Variants in EMSY observed in about 807,000 individuals in gnomAD.
The protein encoded by EMSY is EMSY transcriptional repressor, BRCA2 interacting.
In EMSY, 26 loss-of-function variants were observed where a neutral mutation model predicts 134.6. The observed-to-expected ratio is 0.19, with a 90% CI of 0.14 to 0.27. The LOEUF is 0.27. EMSY is among the 10% of genes least tolerant of loss of function. EMSY has a pLI of 1.00. For synonymous variants in EMSY, 579 were observed against 577.8 expected, an observed-to-expected ratio of 1.00 and a Z score of -0.03; for missense variants, 1,305 against 1,611.4, an observed-to-expected ratio of 0.81 and a Z score of 3.26.
chr11:76,552,765 T>C (rs1951866454), downstream of EMSY: 1 of 152,190 alleles, frequency 6.6e-6, no homozygotes, highest in African/African-American at 2.4e-5. Flanking sequence ...AACATTTTCA[T>C]TAATCACAAA....
intron 16 of EMSY, among the ~76,000 whole-genome samples, chr11:76,538,876 T>C (rs1287136796): frequency 6.6e-6 from 1 of 152,106 alleles, no homozygotes; most frequent in Non-Finnish European, 1.5e-5. Context: ...GAGAATCCCT[T>C]GAATCCGGAA....
exon 21 of EMSY, chr11:76,550,520 TGA>T (rs1951807787): frequency 1.2e-5 from 2 of 161,132 alleles, no homozygotes; most frequent in African/African-American, 2.4e-5. Flanking sequence ...AAGGAGAATG[TGA>T]ATAGTTGTAT....
intron 7 of EMSY, among the ~76,000 whole-genome samples, chr11:76,467,052 A>T (rs1948381222): frequency 6.6e-6 from 1 of 152,230 alleles, no homozygotes; most frequent in Non-Finnish European, 1.5e-5. Context: ...CAGTTCATTG[A>T]AGCATATCCC....
intron 7 of EMSY, among the ~76,000 whole-genome samples, chr11:76,468,021 A>G (rs1034055194): frequency 6.6e-6 from 1 of 151,932 alleles, no homozygotes; most frequent in Non-Finnish European, 1.5e-5. Flanking sequence ...TAGTACATAC[A>G]GTGAGTGCTC....
intron 8 of EMSY, among the ~76,000 whole-genome samples, chr11:76,487,948 G>A (rs74788226): frequency 0.013 from 1,920 of 152,270 alleles, 38 homozygotes; most frequent in African/African-American, 0.042. Context: ...CACAGGTAAT[G>A]TTTTTAACAT....
In EMSY at chr11:76,500,109, A is replaced by G. The variant is rs549316023; in HGVS notation, c.1363+3640A>G. 2.6e-5 allele frequency among the ~76,000 whole-genome samples: 4 copies of G among 151,302 alleles called. No homozygotes were observed. The East Asian group carries it at 7.7e-4, about 29-fold the overall frequency. On this transcript the variant is annotated intron_variant, in intron 9 of 20. Coordinates refer to ENST00000334736, the Ensembl canonical transcript of EMSY. ...AAAAAAAAACCAAACCCAAAACAAT[A>G]AAAAAAATACTTATGTCGCCTATCA...
intron 8 of EMSY, among the ~76,000 whole-genome samples, chr11:76,478,946 A>G (rs1453035882): frequency 2.0e-5 from 3 of 152,054 alleles, no homozygotes; most frequent in African/African-American, 7.2e-5. Flanking sequence ...TCTTAGAACC[A>G]GCACTCAGGA....
At chr11:76,469,046 G>A (rs965495595) in intron 7 of EMSY, among the ~76,000 whole-genome samples, 4 of 152,108 alleles carry the variant, frequency 2.6e-5, no homozygotes, top group Non-Finnish European at 5.9e-5. Flanking sequence ...CTTCTTTTCA[G>A]ATCAGAAATC....
Position 76,494,897 on chromosome 11 carries a change from G to A in EMSY, c.1109-1318G>A, listed in dbSNP as rs1949589294. Among the ~76,000 whole-genome samples, 5 of 152,042 alleles carry A rather than the reference G, an allele frequency of 3.3e-5. No individual in the cohort carries two copies. The South Asian group carries it at 8.3e-4, about 25-fold the overall frequency. On this transcript the variant is annotated intron_variant, in intron 8 of 20. Coordinates refer to ENST00000334736, the Ensembl canonical transcript of EMSY. ...ATTACAGGTGCCTGCCACCGTGCCC[G>A]GCTAATTTTTGTATTTTTAGTAGAG...
intron 10 of EMSY, among the ~76,000 whole-genome samples, chr11:76,515,668 G>A (rs1343425279): frequency 2.0e-5 from 3 of 152,146 alleles, no homozygotes. Context: ...ACAAAGCAAT[G>A]AAAGTTTGTA....
At chr11:76,530,963 G>C (rs1326089741) in intron 14 of EMSY, among the ~76,000 whole-genome samples, 1 of 152,036 alleles carries the variant, frequency 6.6e-6, no homozygotes, top group Non-Finnish European at 1.5e-5. Context: ...TTACAGAACA[G>C]TTGCAAGAAT....
chr11:76,483,046 C>T (rs953555325), intron 8 of EMSY, among the ~76,000 whole-genome samples: 5 of 152,200 alleles, frequency 3.3e-5, no homozygotes, highest in East Asian at 1.9e-4. Flanking sequence ...AGACTAACAG[C>T]GGATCTCTCT....
At chr11:76,535,866 T>C (rs2136533764) in intron 14 of EMSY, 29 bp from the exon 16 acceptor site, 1 of 1,424,936 alleles carries the variant, frequency 7.0e-7, no homozygotes, top group Non-Finnish European at 9.3e-7. Context: ...GTTTATAGGG[T>C]TTGTTTTTTT....
chr11:76,496,233 T>C (rs1276137087), exon 9 of EMSY: 1 of 1,613,826 alleles, frequency 6.2e-7, no homozygotes, highest in Non-Finnish European at 8.5e-7. Context: ...ACATCAGCAA[T>C]CAAAATGGCA....
Position 76,535,952 on chromosome 11 carries a change from A to G in EMSY, c.2252A>G (p.Glu751Gly), listed in dbSNP as rs149816608. The change falls in exon 15 of 21, where the codon GAG (glutamate) becomes GGG (glycine). Residue 751 changes from glutamate to glycine, a missense_variant. Around this residue, in one of 7 missense-constraint regions of EMSY, gnomAD observed 664 missense variants for 763.9 expected, o/e 0.87. Coordinates refer to ENST00000334736, the Ensembl canonical transcript of EMSY. ...CGGCGTCAGGATTGGTCAGAACATG[A>G]GATTGCAATGGAGACTAGCCCTACC... 1.9e-6 allele frequency: 3 copies of G among 1,602,288 alleles called. No individual in the cohort carries two copies. The African/African-American group carries it at 4.0e-5, about 22-fold the overall frequency.
At chr11:76,445,962 C>T (rs1947370920) in intron 1 of EMSY, among the ~76,000 whole-genome samples, 1 of 152,158 alleles carries the variant, frequency 6.6e-6, no homozygotes, top group Admixed American at 6.5e-5. Flanking sequence ...CCTCGGGACA[C>T]AGAGTTGGAG....
chr11:76,450,636 C>T (rs1376727850), intron 2 of EMSY, among the ~76,000 whole-genome samples: 2 of 151,496 alleles, frequency 1.3e-5, no homozygotes, highest in Admixed American at 1.3e-4. Flanking sequence ...GGACCACAGG[C>T]ATGCACTACC....
intron 10 of EMSY, among the ~76,000 whole-genome samples, chr11:76,515,160 A>G (rs1349645442): frequency 6.8e-6 from 1 of 147,434 alleles, no homozygotes; most frequent in Non-Finnish European, 1.5e-5. Flanking sequence ...TTTTTGGGTA[A>G]TGGTTGTATT....
intron 19 of EMSY, 137 bp downstream of exon 20, chr11:76,544,959 A>G (rs766878111): frequency 6.5e-6 from 6 of 921,944 alleles, no homozygotes; most frequent in Non-Finnish European, 8.0e-6. Flanking sequence ...CGCTGGTATT[A>G]CTTTGCCCCA....
Sources: allele counts gnomAD v4.1 joint callset (sites outside exome capture counted in the v4.1 genomes callset), GRCh38; gene constraint gnomAD v4.1.1; regional missense constraint gnomAD v4.1.1; transcripts MANE v1.5; gene names NCBI Gene and HGNC (gene_info 2026-07-23, HGNC 2026-07-21).